Variants in SLC6A11 observed in about 807,000 individuals in gnomAD.
The protein encoded by SLC6A11 is solute carrier family 6 member 11.
SLC6A11 carries 25 observed loss-of-function variants against 74.8 expected under a neutral mutation model. The observed-to-expected ratio is 0.33, with a 90% CI of 0.24 to 0.47. The LOEUF (loss-of-function observed/expected upper bound fraction) is 0.47, where lower values mean the gene tolerates loss of function less well. SLC6A11 is among the 20% of genes least tolerant of loss of function. The pLI, the probability that SLC6A11 is intolerant of heterozygous loss-of-function variation, is 1.00. For synonymous variants in SLC6A11, 330 were observed against 330.2 expected, an observed-to-expected ratio of 1.00 and a Z score of 0.01; for missense variants, 574 against 837.0, an observed-to-expected ratio of 0.69 and a Z score of 3.88.
At chr3:10,879,378 ATGCTGCAGGAAGAAGC>A (rs1694948142) in intron 6 of SLC6A11, among the ~76,000 whole-genome samples, 1 of 152,212 alleles carries the variant, frequency 6.6e-6, no homozygotes, top group African/African-American at 2.4e-5. Flanking sequence ...CAGCTGGGGT[ATGCTGCAGGAAGAAGC>A]CCAGTGTGGC....
chr3:10,873,426 T>TATGGCATGCC (rs1559566678), intron 5 of SLC6A11, among the ~76,000 whole-genome samples: 21 of 151,426 alleles, frequency 1.4e-4, no homozygotes, highest in African/African-American at 4.6e-4. Context: ...TATCCTATCC[T>TATGGCATGCC]ATCCTATCCT....
At chr3:10,900,379 G>A (rs905608420) in intron 6 of SLC6A11, among the ~76,000 whole-genome samples, 1 of 152,174 alleles carries the variant, frequency 6.6e-6, no homozygotes, top group Non-Finnish European at 1.5e-5. Flanking sequence ...ATGCGCAAAG[G>A]GTTGGGGATT....
intron 8 of SLC6A11, among the ~76,000 whole-genome samples, chr3:10,924,039 A>T (rs530070868): frequency 1.3e-5 from 2 of 152,322 alleles, no homozygotes; most frequent in South Asian, 4.1e-4. Context: ...CAAAGACCAA[A>T]AAAAGACTAA....
intron 6 of SLC6A11, among the ~76,000 whole-genome samples, chr3:10,890,716 T>C (rs1196233248): frequency 2.0e-5 from 3 of 152,264 alleles, no homozygotes; most frequent in African/African-American, 7.2e-5. Context: ...TTGCTCCCCA[T>C]TGTTTTCATT....
chr3:10,871,579 A>C (rs1220618668), intron 5 of SLC6A11, among the ~76,000 whole-genome samples: 12 of 152,128 alleles, frequency 7.9e-5, no homozygotes, highest in Non-Finnish European at 1.8e-4. Context: ...ATGAATCAAG[A>C]ATGTATATGA....
intron 6 of SLC6A11, among the ~76,000 whole-genome samples, chr3:10,886,220 C>T (rs115774113): frequency 0.013 from 2,009 of 152,294 alleles, 38 homozygotes; most frequent in African/African-American, 0.045. Flanking sequence ...GGGCTGATCC[C>T]TGTTACTCTG....
At chr3:10,856,413 G>A (rs1694638796) in intron 5 of SLC6A11, among the ~76,000 whole-genome samples, 1 of 152,254 alleles carries the variant, frequency 6.6e-6, no homozygotes, top group African/African-American at 2.4e-5. Context: ...CCTGCCACAT[G>A]CTGGACTTTG....
intron 8 of SLC6A11, among the ~76,000 whole-genome samples, chr3:10,923,490 TACTCAGG>T (rs1437812390): frequency 6.6e-6 from 1 of 152,082 alleles, no homozygotes; most frequent in East Asian, 1.9e-4. Flanking sequence ...TAGAATAAAC[TACTCAGG>T]AGTCCACATT....
At chr3:10,937,774 C>T (rs1302667000) in intron 13 of SLC6A11, among the ~76,000 whole-genome samples, 1 of 152,198 alleles carries the variant, frequency 6.6e-6, no homozygotes, top group East Asian at 1.9e-4. Flanking sequence ...ACCCAACACA[C>T]ACTACACCTT....
chr3:10,913,702 CTTTT>C lies in SLC6A11; in HGVS notation c.995+1511_995+1514del, dbSNP rs934218092. 7.4e-4 allele frequency among the ~76,000 whole-genome samples: 112 copies of C among 151,800 alleles called. 1 individual carries two copies. Among genetic ancestry groups the C allele is most frequent in the African/African-American group, 2.5e-3 (104 of 41,470 alleles). On this transcript the variant is annotated intron_variant, in intron 7 of 13. Transcript: ENST00000254488. ...AAACAAGCAACACACTCTTTTTTTT[CTTTT>C]TCTTTGAGACGGAGTCTCGCTCAGT...
intron 4 of SLC6A11, among the ~76,000 whole-genome samples, chr3:10,839,314 G>T (rs867943050): frequency 3.3e-5 from 5 of 152,144 alleles, no homozygotes; most frequent in African/African-American, 1.2e-4. Context: ...GTGACTCATG[G>T]TCTCACCTCT....
rs370252916 is a variant in SLC6A11, at chr3:10,844,053, G to C, written c.624-161G>C. Among the ~76,000 whole-genome samples, 13 of 152,348 alleles carry C rather than the reference G, an allele frequency of 8.5e-5. No homozygotes were observed. In the South Asian group the frequency reaches 2.7e-3, roughly 32 times the overall value. Reference sequence around the variant, plus strand: ...TCCAAGGTCCAGAGGGCTGGGTCTTGTTCCTCTTGGAGGCCCCAAGTCCTC... The same window carrying C: ...TCCAAGGTCCAGAGGGCTGGGTCTTCTTCCTCTTGGAGGCCCCAAGTCCTC... On this transcript the variant is annotated intron_variant, in intron 4 of 13. Transcript: ENST00000254488.
intron 6 of SLC6A11, among the ~76,000 whole-genome samples, chr3:10,875,830 T>A (rs1358821105): frequency 6.6e-6 from 1 of 152,220 alleles, no homozygotes; most frequent in Non-Finnish European, 1.5e-5. Context: ...CAACCTCAGC[T>A]ACACGTCAGA....
rs115188756 is a variant in SLC6A11 at position 10,851,891 on chromosome 3, G to A, written c.756+7545G>A. ...ACAGATGGAGGCATTTCTCAGAGGG[G>A]CTGCAGGAGGCTCCTCCCCTCCCCC... On this transcript the variant is annotated intron_variant, in intron 5 of 13. Transcript: ENST00000254488. Among the ~76,000 whole-genome samples the A allele has an allele frequency of 3.6e-3, 544 of 152,308 alleles. 5 individuals are homozygous for A. The highest frequency in any genetic ancestry group is 0.013 in the African/African-American group (529 of 41,568).
intron 6 of SLC6A11, among the ~76,000 whole-genome samples, chr3:10,878,068 G>A (rs78607787): frequency 0.04 from 6,027 of 152,200 alleles, 171 homozygotes; most frequent in Middle Eastern, 0.078. Flanking sequence ...GACCATCTAG[G>A]CCACTCCCCA....
chr3:10,819,927 C>T, intron 3 of SLC6A11, 75 bp downstream of exon 3: 2 of 1,517,398 alleles, frequency 1.3e-6, no homozygotes, highest in East Asian at 2.2e-5. Flanking sequence ...GCCCTTCAGG[C>T]CAGTCCTGGT....
chr3:10,853,905 G>A (rs1694607372), intron 5 of SLC6A11, among the ~76,000 whole-genome samples: 1 of 152,174 alleles, frequency 6.6e-6, no homozygotes, highest in African/African-American at 2.4e-5. Context: ...CTGGATGGTA[G>A]CACCAGTGGG....
At position 10,918,361 on chromosome 3, in the gene SLC6A11, G is replaced by A; in HGVS notation, c.1028G>A (p.Gly343Asp). 6.2e-7 allele frequency: 1 copy of A among 1,609,010 alleles called. No individual in the cohort carries two copies. ...DCIMLCCLNS[G>D]TSFVAGFAIF... The stretch of plus-strand genomic sequence containing the variant: ...ATCATGCTCTGTTGCCTGAACAGCG[G>A]CACCAGCTTCGTGGCTGGGTTTGCC... Residue 343 changes from glycine to aspartate, a missense_variant, in exon 8 of 14, where the codon GGC becomes GAC. Around this residue, in one of 4 missense-constraint regions of SLC6A11, gnomAD observed 16 missense variants for 50.1 expected, o/e 0.32. Coordinates refer to ENST00000254488, the MANE Select transcript of SLC6A11 (RefSeq NM_014229.3). The surrounding 1 kb of genome is among the most constrained non-coding windows in gnomAD (Gnocchi z 4.5).
intron 3 of SLC6A11, among the ~76,000 whole-genome samples, chr3:10,821,475 C>G (rs1694137080): frequency 1.3e-5 from 2 of 152,112 alleles, no homozygotes; most frequent in African/African-American, 4.8e-5. Context: ...AGAAGTGTAA[C>G]CAGAGGAAAA....
Sources: allele counts gnomAD v4.1 joint callset (sites outside exome capture counted in the v4.1 genomes callset), GRCh38; gene constraint gnomAD v4.1.1; regional missense constraint gnomAD v4.1.1; non-coding constraint Gnocchi (gnomAD v3.1); transcripts MANE v1.5; gene names NCBI Gene and HGNC (gene_info 2026-07-23, HGNC 2026-07-21).